Variants in TMED2 observed in about 807,000 individuals in gnomAD.
TMED2 encodes transmembrane emp24 domain-containing protein 2.
In TMED2, 3 loss-of-function variants were observed where a neutral mutation model predicts 17.5. The ratio of observed to expected loss-of-function variants is 0.17; its 90% CI spans 0.08 to 0.44. The LOEUF is 0.44. TMED2 is among the 20% of genes least tolerant of loss of function. The pLI is 0.99. For synonymous variants in TMED2, 95 were observed against 91.0 expected (o/e 1.04, Z -0.25); for missense variants, 149 against 254.8 (o/e 0.58, Z 2.83).
At chr12:123,585,466 G>A (rs11057302) in intron 1 of TMED2, 22,092 of 152,138 alleles carry the variant, frequency 0.15, 1,867 homozygotes, top group African/African-American at 0.23. Context: ...GAAGACAGGA[G>A]TTTAAGAAAC....
intron 2 of TMED2, among the ~76,000 whole-genome samples, chr12:123,589,316 G>A (rs1566165285): frequency 6.6e-6 from 1 of 152,166 alleles, no homozygotes; most frequent in Non-Finnish European, 1.5e-5. Flanking sequence ...GTTTTTCTCT[G>A]CTCAGCTTTA....
Position 123,584,777 on chromosome 12 carries a change from C to G in TMED2, c.141C>G (p.Phe47Leu). The G allele has an allele frequency of 6.2e-7, 1 of 1,613,016 alleles. No homozygotes were observed. The highest frequency in any genetic ancestry group is 8.5e-7 in the Non-Finnish European group (1 of 1,179,862). Reference sequence around the variant, plus strand: ...CGGGCACCAAGATGGGCCTCATCTTCGAGGTGGCGGAGGGCGGCTTCCTGG... The same window carrying G: ...CGGGCACCAAGATGGGCCTCATCTTGGAGGTGGCGGAGGGCGGCTTCCTGG... ...VTSGTKMGLI[F>L]EVAEGGFLDI... Residue 47 changes from phenylalanine (F) to leucine (L), a missense_variant, in exon 1 of 4, where the codon TTC (phenylalanine) becomes TTG (leucine). Physicochemically the swap from Phe to Leu is conservative, Grantham distance 22. Coordinates refer to ENST00000262225, the MANE Select transcript of TMED2 (RefSeq NM_006815.4).
At chr12:123,589,818 C>T (rs12231444) in intron 2 of TMED2, among the ~76,000 whole-genome samples, 10,611 of 151,518 alleles carry the variant, frequency 0.07, 555 homozygotes, top group African/African-American at 0.14. Flanking sequence ...GGCAACATAG[C>T]GAGACCCCGT....
Position 123,584,732 on chromosome 12 carries a change from C to T in TMED2, c.96C>T (p.Cys32=), listed in dbSNP as rs201896538. 87 of 1,613,856 alleles carry T rather than the reference C, an allele frequency of 5.4e-5. No individual in the cohort carries two copies. In the African/African-American group the frequency reaches 1.0e-3, roughly 19 times the overall value. The change falls in exon 1 of 4, where the codon TGC becomes TGT. Residue 32 remains cysteine, a synonymous_variant. Transcript: ENST00000262225. The stretch of plus-strand genomic sequence containing the variant: ...GCATCGACGCCCATGCTGAAGAGTG[C>T]TTCTTTGAGCGGGTCACCTCGGGCA... ...FVSIDAHAEE[C]FFERVTSGTK...
chr12:123,584,956 CCCCCG>C, intron 1 of TMED2, 140 bp downstream of exon 1: 10 of 1,096,094 alleles, frequency 9.1e-6, no homozygotes, highest in Non-Finnish European at 1.3e-5. Context: ...AGGCCGCCAC[CCCCCG>C]CCCCGCCCCG....
Position 123,596,830 on chromosome 12 carries a change from A to G in TMED2, c.*101A>G. Reference sequence around the variant, plus strand: ...TCTCCATTTTTATTTTCTGAACTGTACATTCACAACTTATGTTTCTTTGAG... The same window carrying G: ...TCTCCATTTTTATTTTCTGAACTGTGCATTCACAACTTATGTTTCTTTGAG... On this transcript the variant is annotated 3_prime_UTR_variant, in exon 4 of 4. Transcript: ENST00000262225. The G allele has an allele frequency of 3.0e-6, 4 of 1,332,156 alleles. No individual in the cohort carries two copies. The highest frequency in any genetic ancestry group is 3.9e-5 in the South Asian group (2 of 50,996). 82.5% of individuals were successfully genotyped at this position (1,332,156 alleles called of 1,614,324 possible). A position where few individuals can be genotyped will look rare whatever the true frequency, so the allele number is the denominator to read the frequency against.
intron 3 of TMED2, among the ~76,000 whole-genome samples, chr12:123,595,296 T>C (rs1010959352): frequency 6.6e-6 from 1 of 152,136 alleles, no homozygotes; most frequent in African/African-American, 2.4e-5. Flanking sequence ...ATAGTAAATA[T>C]AGAGTAGGTG....
chr12:123,585,389 C>T (rs1886322946), intron 1 of TMED2, among the ~76,000 whole-genome samples: 1 of 152,232 alleles, frequency 6.6e-6, no homozygotes, highest in Non-Finnish European at 1.5e-5. Flanking sequence ...TTAGTCTCTT[C>T]TGCCAAGGAG....
chr12:123,584,872 T>G, intron 1 of TMED2, 56 bp downstream of exon 1: 1 of 1,589,848 alleles, frequency 6.3e-7, no homozygotes, highest in East Asian at 2.2e-5. Flanking sequence ...CGGGGATTGG[T>G]GGCACCTGGG....
At chr12:123,586,239 A>G (rs1370792082) in intron 1 of TMED2, 1 of 152,410 alleles carries the variant, frequency 6.6e-6, no homozygotes, top group Non-Finnish European at 1.5e-5. Flanking sequence ...GGTGTTTTAG[A>G]AAGCCATGAA....
intron 3 of TMED2, among the ~76,000 whole-genome samples, chr12:123,591,780 G>GAA (rs778677618): frequency 2.1e-5 from 3 of 143,704 alleles, no homozygotes; most frequent in Non-Finnish European, 4.6e-5. Flanking sequence ...GACTCTGTCT[G>GAA]AAAAAAAAAA....
At chr12:123,588,676 T>A (rs1049127933) in intron 2 of TMED2, among the ~76,000 whole-genome samples, 13 of 152,176 alleles carry the variant, frequency 8.5e-5, no homozygotes, top group African/African-American at 1.2e-4. Flanking sequence ...CCAGGGGATA[T>A]TTGGCAATAT....
chr12:123,590,470 T>C, intron 3 of TMED2, 21 bp downstream of exon 3: 1 of 1,558,996 alleles, frequency 6.4e-7, no homozygotes, highest in Non-Finnish European at 8.7e-7. Context: ...GCCGTCACTT[T>C]GCAGCAGTGT....
intron 3 of TMED2, among the ~76,000 whole-genome samples, chr12:123,594,223 C>CT (rs966924405): frequency 6.6e-6 from 1 of 151,852 alleles, no homozygotes; most frequent in African/African-American, 2.4e-5. Flanking sequence ...CAAGCTCCGC[C>CT]TCCCAGGTTC....
rs1269842457 is a variant in TMED2, at chr12:123,586,757, C to T, written c.191C>T (p.Pro64Leu). Residue 64 changes from proline to leucine, a missense_variant, in exon 2 of 4, where the codon CCA becomes CTA. Coordinates refer to ENST00000262225, the MANE Select transcript of TMED2 (RefSeq NM_006815.4). ...CTCTCTTGCCTCCAGATTACAGGACCAGATAACAAAGGAATTTACAAAGGA... is the reference window on the plus strand; with the variant it reads ...CTCTCTTGCCTCCAGATTACAGGACTAGATAACAAAGGAATTTACAAAGGA... ...FLDIDVEITG[P>L]DNKGIYKGDR... The T allele has an allele frequency of 1.3e-6, 2 of 1,599,272 alleles. No individual in the cohort carries two copies. Among genetic ancestry groups the T allele is most frequent in the Non-Finnish European group, 1.7e-6 (2 of 1,171,778 alleles).
Position 123,584,622 on chromosome 12 carries a change from G to A in TMED2, c.-15G>A, listed in dbSNP as rs1391769634. The A allele has an allele frequency of 8.1e-6, 13 of 1,604,214 alleles. No individual in the cohort carries two copies. In the East Asian group the frequency reaches 2.5e-4, roughly 30 times the overall value. ...AGGCCGCAGTCCGGGTCCTGGCTTC[G>A]GCCTCAGCCCCACCATGGTGACGCT... On this transcript the variant is annotated 5_prime_UTR_variant, in exon 1 of 4. Transcript: ENST00000262225.
chr12:123,594,714 C>T (rs1369822262), intron 3 of TMED2, among the ~76,000 whole-genome samples: 2 of 149,596 alleles, frequency 1.3e-5, no homozygotes, highest in Non-Finnish European at 1.5e-5. Context: ...ATGGAGAAAC[C>T]GCATCTCTAC....
chr12:123,589,238 A>G (rs1247585195), intron 2 of TMED2, among the ~76,000 whole-genome samples: 1 of 152,142 alleles, frequency 6.6e-6, no homozygotes, highest in Non-Finnish European at 1.5e-5. Context: ...TCCCCACTAT[A>G]GTGAAACTAT....
intron 2 of TMED2, 40 bp downstream of exon 2, chr12:123,586,979 A>AGCTAATTTTAGTT: frequency 1.3e-6 from 2 of 1,512,406 alleles, no homozygotes; most frequent in Non-Finnish European, 1.8e-6. Context: ...ACATTCCAAG[A>AGCTAATTTTAGTT]GCTAATTTTA....
Sources: allele counts gnomAD v4.1 joint callset (sites outside exome capture counted in the v4.1 genomes callset), GRCh38; gene constraint gnomAD v4.1.1; transcripts MANE v1.5; gene names NCBI Gene and HGNC (gene_info 2026-07-23, HGNC 2026-07-21).